CDH13: variants seen among roughly 807,000 people sequenced by gnomAD.
CDH13 encodes cadherin-13.
A neutral mutation model predicts 63.8 loss-of-function variants in CDH13; 24 were observed. That is an observed-to-expected ratio of 0.38 (90% CI 0.27 to 0.53). The LOEUF is 0.53. CDH13 is among the 20% of genes least tolerant of loss of function. The pLI, the probability that CDH13 is intolerant of heterozygous loss-of-function variation, is 0.85. For synonymous variants in CDH13, 503 were observed against 355.3 expected (o/e 1.42, Z -4.67); for missense variants, 1,049 against 903.1 (o/e 1.16, Z -2.07).
chr16:83,691,008 C>T (rs1292435420), intron 10 of CDH13, among the ~76,000 whole-genome samples: 1 of 151,778 alleles, frequency 6.6e-6, no homozygotes, highest in Non-Finnish European at 1.5e-5. Flanking sequence ...AGGTGTGAAC[C>T]ACTGGGCCAG....
At chr16:82,680,455 T>C (rs1431238724) in intron 1 of CDH13, among the ~76,000 whole-genome samples, 1 of 151,170 alleles carries the variant, frequency 6.6e-6, no homozygotes, top group African/African-American at 2.4e-5. Flanking sequence ...CTTGTAGCAA[T>C]TGCTGTGTGG....
chr16:83,335,871 C>T (rs2090583341), intron 5 of CDH13, among the ~76,000 whole-genome samples: 1 of 152,126 alleles, frequency 6.6e-6, no homozygotes, highest in African/African-American at 2.4e-5. Context: ...GAATTGCTCA[C>T]TTGGGGGGCT....
At chr16:83,241,152 T>C (rs997149750) in intron 5 of CDH13, among the ~76,000 whole-genome samples, 19 of 152,332 alleles carry the variant, frequency 1.2e-4, no homozygotes, top group Admixed American at 1.2e-3. Context: ...TAGTCTCATA[T>C]GACAGGATTT....
At chr16:83,094,088 T>G (rs2034068140) in intron 3 of CDH13, among the ~76,000 whole-genome samples, 1 of 152,172 alleles carries the variant, frequency 6.6e-6, no homozygotes, top group Non-Finnish European at 1.5e-5. Context: ...GATATATTAC[T>G]CAGCAATTAA....
chr16:83,579,334 A>T (rs1224153080), intron 7 of CDH13, among the ~76,000 whole-genome samples: 8 of 152,328 alleles, frequency 5.3e-5, no homozygotes, highest in African/African-American at 1.7e-4. Context: ...ACTGGGCAAT[A>T]TATAAAGAAA....
intron 4 of CDH13, among the ~76,000 whole-genome samples, chr16:83,194,616 C>T (rs527334283): frequency 6.6e-6 from 1 of 152,284 alleles, no homozygotes; most frequent in South Asian, 2.1e-4. Flanking sequence ...TTGTCCTTTC[C>T]CTTTCTTGGG....
At chr16:82,985,847 C>A (rs1257890241) in intron 2 of CDH13, among the ~76,000 whole-genome samples, 1 of 152,082 alleles carries the variant, frequency 6.6e-6, no homozygotes, top group Non-Finnish European at 1.5e-5. Flanking sequence ...CTTATGAGAT[C>A]TGGTCGTTTA....
At position 83,476,215 on chromosome 16, in the gene CDH13, G is replaced by A. The variant is rs113106073; in HGVS notation, c.782-10262G>A. Reference sequence around the variant, plus strand: ...CATTTTCATATTTGTCAGATATAGAGCAGCATCCTTGATCTCTACCCACTA... The same window carrying A: ...CATTTTCATATTTGTCAGATATAGAACAGCATCCTTGATCTCTACCCACTA... On this transcript the variant is annotated intron_variant, in intron 6 of 13. Coordinates refer to ENST00000567109, the MANE Select transcript of CDH13 (RefSeq NM_001257.5). Among the ~76,000 whole-genome samples, 1,389 of 152,238 alleles carry A rather than the reference G, an allele frequency of 9.1e-3. 16 individuals are homozygous for A. Among genetic ancestry groups the A allele is most frequent in the African/African-American group, 0.032 (1,321 of 41,518 alleles).
intron 2 of CDH13, among the ~76,000 whole-genome samples, chr16:82,960,762 A>G (rs1297157414): frequency 6.6e-6 from 1 of 152,160 alleles, no homozygotes; most frequent in Non-Finnish European, 1.5e-5. Flanking sequence ...TAAGGACGTC[A>G]TAGAGAAGGT....
At chr16:83,247,298 A>C (rs964803) in intron 5 of CDH13, among the ~76,000 whole-genome samples, 5 of 152,170 alleles carry the variant, frequency 3.3e-5, no homozygotes, top group Admixed American at 6.5e-5. Context: ...CATAATTTAC[A>C]TGGAGGCTTG....
chr16:83,681,256 C>T (rs1230363630), intron 10 of CDH13, among the ~76,000 whole-genome samples: 1 of 152,150 alleles, frequency 6.6e-6, no homozygotes, highest in Non-Finnish European at 1.5e-5. Context: ...CACAGAGAGC[C>T]CCTGGCCCAA....
In CDH13 at chr16:83,728,342, C is replaced by CGTGTGCGTGTGTGTGTGT. The variant is rs1555521384; in HGVS notation, c.1539-19761_1539-19760insCGTGTGTGTGTGTGTGTG. Among the ~76,000 whole-genome samples, 850 of 149,314 alleles carry CGTGTGCGTGTGTGTGTGT rather than the reference C, an allele frequency of 5.7e-3. 4 individuals carry two copies. The highest frequency in any genetic ancestry group is 9.6e-3 in the Non-Finnish European group (645 of 67,512). On this transcript the variant is annotated intron_variant, in intron 10 of 13. Transcript: ENST00000567109. ...CTATGTGTGTATGTGTATGTGTGTGCGTGTGTGTGTGTGTGTGTGTTGTGA... is the reference window on the plus strand; with the variant it reads ...CTATGTGTGTATGTGTATGTGTGTGCGTGTGCGTGTGTGTGTGTGTGTGTGTGTGTGTGTGTGTTGTGA...
At chr16:83,349,691 C>T (rs1479667866) in intron 6 of CDH13, among the ~76,000 whole-genome samples, 1 of 152,002 alleles carries the variant, frequency 6.6e-6, no homozygotes. Flanking sequence ...ACCTGTGCCT[C>T]CTGCATTCAA....
intron 6 of CDH13, among the ~76,000 whole-genome samples, chr16:83,354,146 G>A (rs966112481): frequency 3.3e-5 from 5 of 152,196 alleles, no homozygotes; most frequent in African/African-American, 4.8e-5. Context: ...GGTGACGGTT[G>A]AGCAGCTGCA....
intron 1 of CDH13, among the ~76,000 whole-genome samples, chr16:82,652,156 G>C (rs951103410): frequency 6.6e-6 from 1 of 152,240 alleles, no homozygotes; most frequent in Non-Finnish European, 1.5e-5. Context: ...TCTGAAAAGA[G>C]GTCATCAGAT....
chr16:82,866,356 T>TTTTC (rs1402055891), intron 2 of CDH13, among the ~76,000 whole-genome samples: 1 of 150,350 alleles, frequency 6.7e-6, no homozygotes, highest in African/African-American at 2.4e-5. Flanking sequence ...TATTAGTCTG[T>TTTTC]TTTCTTTTCT....
intron 7 of CDH13, among the ~76,000 whole-genome samples, chr16:83,561,645 A>G (rs2075711279): frequency 6.6e-6 from 1 of 152,240 alleles, no homozygotes; most frequent in African/African-American, 2.4e-5. Context: ...GATCTTAAGC[A>G]GAATTTCCTT....
At chr16:83,712,382 C>G (rs1908197752) in intron 10 of CDH13, among the ~76,000 whole-genome samples, 1 of 152,180 alleles carries the variant, frequency 6.6e-6, no homozygotes, top group South Asian at 2.1e-4. Flanking sequence ...GCATTGAAAA[C>G]AGGATCTTTG....
intron 10 of CDH13, among the ~76,000 whole-genome samples, chr16:83,706,854 C>A (rs1907144957): frequency 6.6e-6 from 1 of 152,168 alleles, no homozygotes; most frequent in Admixed American, 6.5e-5. Flanking sequence ...CAAGTATTTT[C>A]CATCCTTATG....
Sources: gnomAD v4.1 joint callset for allele counts (sites outside exome capture counted in the v4.1 genomes callset) on GRCh38, gnomAD v4.1.1 for gene constraint, MANE v1.5 for transcripts, NCBI Gene and HGNC (gene_info 2026-07-23, HGNC 2026-07-21) for gene names.